RBFOX1: variants seen among roughly 807,000 people sequenced by gnomAD.
RBFOX1 encodes the protein RNA binding protein fox-1 homolog 1.
In RBFOX1, 8 loss-of-function variants were observed where a neutral mutation model predicts 57.7. The ratio of observed to expected loss-of-function variants is 0.14; its 90% CI spans 0.08 to 0.25. The LOEUF (loss-of-function observed/expected upper bound fraction) is 0.25. Among genes scored for constraint, RBFOX1 ranks in the 10% least tolerant of loss-of-function variants. RBFOX1 has a pLI of 1.00. For synonymous variants in RBFOX1, 326 were observed against 222.4 expected (o/e 1.47, Z -4.15); for missense variants, 611 against 548.5 (o/e 1.11, Z -1.14).
At chr16:5,477,117 G>A (rs976504993) in intron 2 of RBFOX1, among the ~76,000 whole-genome samples, 2 of 152,136 alleles carry the variant, frequency 1.3e-5, no homozygotes, top group Admixed American at 6.5e-5. Flanking sequence ...GGGCTCAGGC[G>A]ATACCTCCCA....
At chr16:6,895,669 C>T (rs188507712) in intron 3 of RBFOX1, among the ~76,000 whole-genome samples, 23 of 151,136 alleles carry the variant, frequency 1.5e-4, no homozygotes, top group African/African-American at 5.3e-4. Context: ...GGAAAGGAGG[C>T]AAAAGTACCT....
intron 7 of RBFOX1, among the ~76,000 whole-genome samples, chr16:7,589,546 C>G (rs890216991): frequency 6.6e-6 from 1 of 151,760 alleles, no homozygotes; most frequent in Non-Finnish European, 1.5e-5. Context: ...AATAGCCTCT[C>G]TCGGTGGGTA....
At chr16:7,357,610 C>T (rs2097242464) in intron 4 of RBFOX1, among the ~76,000 whole-genome samples, 2 of 152,146 alleles carry the variant, frequency 1.3e-5, no homozygotes, top group South Asian at 4.1e-4. Context: ...ACCCATCTTC[C>T]TGGACTCTGA....
At chr16:7,441,970 G>A (rs1048190321) in intron 4 of RBFOX1, among the ~76,000 whole-genome samples, 2 of 152,214 alleles carry the variant, frequency 1.3e-5, no homozygotes, top group Non-Finnish European at 2.9e-5. Context: ...GTTCTTTGCT[G>A]CCATGCCTGA....
chr16:6,422,130 C>T (rs1243592696), intron 2 of RBFOX1, among the ~76,000 whole-genome samples: 1 of 151,888 alleles, frequency 6.6e-6, no homozygotes, highest in Non-Finnish European at 1.5e-5. Context: ...CCCATTTTGG[C>T]CTGGCTGGTC....
chr16:7,248,418 C>T (rs1450701615), intron 4 of RBFOX1, among the ~76,000 whole-genome samples: 1 of 152,152 alleles, frequency 6.6e-6, no homozygotes, highest in Non-Finnish European at 1.5e-5. Flanking sequence ...CTAGCTGAGT[C>T]CCTTCATATC....
At chr16:7,666,175 A>G (rs9931894) in intron 13 of RBFOX1, among the ~76,000 whole-genome samples, 130,438 of 152,086 alleles carry the variant, frequency 0.86, 56,075 homozygotes, top group East Asian at 0.93. Flanking sequence ...AAGCCCATTC[A>G]TTTCCTCAGG....
intron 1 of RBFOX1, among the ~76,000 whole-genome samples, chr16:6,245,624 G>A (rs914240891): frequency 9.2e-5 from 14 of 152,176 alleles, no homozygotes; most frequent in African/African-American, 3.1e-4. Flanking sequence ...CTGTGTGCTA[G>A]AGTAGTGGTA....
intron 4 of RBFOX1, among the ~76,000 whole-genome samples, chr16:7,346,515 C>G (rs1175355613): frequency 2.0e-5 from 3 of 151,948 alleles, no homozygotes; most frequent in Non-Finnish European, 4.4e-5. Flanking sequence ...TCTAAACTCC[C>G]AAGCACAGAT....
Position 7,028,424 on chromosome 16 carries a change from C to T in RBFOX1, c.-15-23633C>T, listed in dbSNP as rs796491185. On this transcript the variant is annotated intron_variant, in intron 3 of 15. Coordinates refer to ENST00000550418, the MANE Select transcript of RBFOX1 (RefSeq NM_018723.4). ...TCTGCATGGAGGAAACCTGTCTCTACTAAAAATATAAAATTAGCTGGGCGT... is the reference window on the plus strand; with the variant it reads ...TCTGCATGGAGGAAACCTGTCTCTATTAAAAATATAAAATTAGCTGGGCGT... 1.4e-4 allele frequency among the ~76,000 whole-genome samples: 22 copies of T among 151,882 alleles called. No homozygotes were observed. The Middle Eastern group carries it at 0.021, about 143-fold the overall frequency.
chr16:6,224,400 C>T (rs562405689), intron 1 of RBFOX1, among the ~76,000 whole-genome samples: 1 of 152,098 alleles, frequency 6.6e-6, no homozygotes, highest in East Asian at 1.9e-4. Context: ...TGTAGTTCTC[C>T]TTGAAGAGGT....
At chr16:5,980,666 C>A (rs1205174796) in intron 4 of RBFOX1, among the ~76,000 whole-genome samples, 3 of 152,086 alleles carry the variant, frequency 2.0e-5, no homozygotes, top group African/African-American at 7.2e-5. Context: ...AGGCATTAGA[C>A]AACATTAATT....
chr16:6,221,575 A>G (rs2097373607), intron 1 of RBFOX1, among the ~76,000 whole-genome samples: 1 of 152,192 alleles, frequency 6.6e-6, no homozygotes, highest in South Asian at 2.1e-4. Context: ...ATCTTAAGCT[A>G]AATTAATGTA....
rs150491370 is a variant in RBFOX1, at chr16:5,822,068, G to T, written c.319-45235G>T. 5.6e-4 allele frequency among the ~76,000 whole-genome samples: 85 copies of T among 152,266 alleles called. 1 individual carries two copies. The highest frequency in any genetic ancestry group is 9.6e-4 in the Non-Finnish European group (65 of 68,022). On this transcript the variant is annotated intron_variant, in intron 3 of 19. Coordinates refer to the RBFOX1 transcript ENST00000641259. ...TTAAAAAGAAGTTGTTTATAAATTG[G>T]GTTGGTTCCATGATTTTGCTGTTGT...
intron 1 of RBFOX1, among the ~76,000 whole-genome samples, chr16:6,022,175 G>A (rs1279473236): frequency 6.6e-6 from 1 of 151,978 alleles, no homozygotes; most frequent in African/African-American, 2.4e-5. Context: ...TTTTGCAGCA[G>A]TTGTACATTT....
At chr16:5,266,375 T>A (rs1881338) in intron 1 of RBFOX1, among the ~76,000 whole-genome samples, 152,098 of 152,166 alleles carry the variant, frequency 1, 76,015 homozygotes, top group Non-Finnish European at 1. Context: ...CCCGGGGGCA[T>A]AATAGCCCCC....
intron 1 of RBFOX1, among the ~76,000 whole-genome samples, chr16:6,074,144 T>G (rs1359353137): frequency 5.3e-5 from 8 of 152,092 alleles, no homozygotes; most frequent in African/African-American, 1.4e-4. Context: ...GAGACAGGAT[T>G]TCACCATGTT....
At position 6,110,739 on chromosome 16, in the gene RBFOX1, GC is replaced by G. The variant is rs577026511; in HGVS notation, c.-127+90753del. On this transcript the variant is annotated intron_variant, in intron 1 of 15. Transcript: ENST00000550418. ...GTGGTTCTCAATGGGGGACAGTTTT[GC>G]CCCCCGCCAGAGGACACTAGGCCAT... 2.0e-5 allele frequency among the ~76,000 whole-genome samples: 3 copies of G among 152,178 alleles called. No homozygotes were observed. In the East Asian group the frequency reaches 5.8e-4, roughly 30 times the overall value.
chr16:6,605,562 C>A (rs374664894), intron 2 of RBFOX1, among the ~76,000 whole-genome samples: 46 of 152,238 alleles, frequency 3.0e-4, no homozygotes, highest in African/African-American at 1.1e-3. Flanking sequence ...TCGGAGTGAT[C>A]GGAGTGAATC....
Sources: allele counts gnomAD v4.1 joint callset (sites outside exome capture counted in the v4.1 genomes callset), GRCh38; gene constraint gnomAD v4.1.1; transcripts MANE v1.5; gene names NCBI Gene and HGNC (gene_info 2026-07-23, HGNC 2026-07-21).